Variants in OSBPL10 observed in about 807,000 individuals in gnomAD.
OSBPL10 encodes oxysterol-binding protein-related protein 10.
A neutral mutation model predicts 81.7 loss-of-function variants in OSBPL10; 49 were observed. That is an observed-to-expected ratio of 0.60 (90% CI 0.48 to 0.76). The LOEUF is 0.76. Ranked by LOEUF, OSBPL10 falls within the 30% of genes least tolerant of loss-of-function variation. OSBPL10 has a pLI of 0.00. For synonymous variants in OSBPL10, 419 were observed against 383.6 expected (o/e 1.09, Z -1.08); for missense variants, 923 against 987.8 (o/e 0.93, Z 0.88).
At chr3:32,025,350 T>C (rs1449996338) in intron 2 of OSBPL10, among the ~76,000 whole-genome samples, 1 of 152,230 alleles carries the variant, frequency 6.6e-6, no homozygotes, top group Admixed American at 6.5e-5. Flanking sequence ...ATTGCATTTC[T>C]TGGGATATTA....
chr3:31,990,583 G>A (rs781049429), intron 2 of OSBPL10: 1 of 1,611,006 alleles, frequency 6.2e-7, no homozygotes, highest in Non-Finnish European at 8.5e-7. Flanking sequence ...AATTCATAAG[G>A]CAATTCATAC....
intron 2 of OSBPL10, among the ~76,000 whole-genome samples, chr3:32,045,291 A>G (rs1260579944): frequency 3.9e-5 from 6 of 152,220 alleles, no homozygotes; most frequent in Non-Finnish European, 5.9e-5. Flanking sequence ...CACAAATGCA[A>G]GAAAACACTT....
intron 4 of OSBPL10, among the ~76,000 whole-genome samples, chr3:31,829,110 C>T (rs1002203715): frequency 6.6e-6 from 1 of 152,120 alleles, no homozygotes; most frequent in African/African-American, 2.4e-5. Context: ...CAGACGCATG[C>T]TAACTCAAGC....
At position 31,668,670 on chromosome 3, in the gene OSBPL10, G is replaced by A. The variant is rs772326360; in HGVS notation, c.2068C>T (p.Leu690Phe). Reference protein sequence around the residue: ...LPVYPKKIRPLEKQGPMESRN... With the variant: ...LPVYPKKIRPFEKQGPMESRN... ...GACTCCATGGGTCCCTGCTTCTCAA[G>A]AGGTCTGATCTTCTTGGGATACACT... Residue 690 changes from leucine to phenylalanine, a missense_variant, in exon 10 of 12, where the codon CTT (leucine) becomes TTT (phenylalanine). By Grantham distance (22) the Leu-to-Phe change is conservative. This residue lies in a region of OSBPL10 where 387 missense variants were observed against 436.3 expected (regional missense o/e 0.89). Transcript: ENST00000396556. 1.2e-6 allele frequency: 2 copies of A among 1,613,614 alleles called. No individual in the cohort carries two copies. Among genetic ancestry groups the A allele is most frequent in the Admixed American group, 3.3e-5 (2 of 59,984 alleles).
At chr3:31,712,070 C>G (rs968248251) in intron 6 of OSBPL10, among the ~76,000 whole-genome samples, 3 of 152,096 alleles carry the variant, frequency 2.0e-5, no homozygotes, top group African/African-American at 7.2e-5. Context: ...AGAAATGATG[C>G]CAGCCAGGGA....
intron 1 of OSBPL10, among the ~76,000 whole-genome samples, chr3:31,897,786 G>A (rs889343921): frequency 2.0e-5 from 3 of 151,996 alleles, no homozygotes; most frequent in African/African-American, 7.2e-5. Flanking sequence ...GAGGTGGGCA[G>A]ATCACAAGGT....
chr3:31,759,755 G>T (rs763498938), intron 4 of OSBPL10, among the ~76,000 whole-genome samples: 1 of 151,860 alleles, frequency 6.6e-6, no homozygotes, highest in African/African-American at 2.4e-5. Context: ...ATGTTATTTT[G>T]TTTTTTATTT....
chr3:31,793,878 A>C (rs1699104505), intron 4 of OSBPL10, among the ~76,000 whole-genome samples: 2 of 152,372 alleles, frequency 1.3e-5, no homozygotes, highest in South Asian at 4.1e-4. Context: ...AAACAGTAAA[A>C]AACAACAAAT....
intron 4 of OSBPL10, among the ~76,000 whole-genome samples, chr3:31,817,220 G>A (rs1472148534): frequency 6.6e-6 from 1 of 152,144 alleles, no homozygotes; most frequent in Non-Finnish European, 1.5e-5. Context: ...GCCCTCCCTG[G>A]CCTAAAGATG....
chr3:31,837,603 A>G (rs1445103292), intron 3 of OSBPL10, among the ~76,000 whole-genome samples: 3 of 150,896 alleles, frequency 2.0e-5, no homozygotes, highest in Non-Finnish European at 4.4e-5. Flanking sequence ...ACTAGCCAAC[A>G]AAATAGGACT....
rs58546446 is a variant in OSBPL10 at position 31,744,537 on chromosome 3, C to CAA, written c.940+3371_940+3372dup. 3.3e-3 allele frequency among the ~76,000 whole-genome samples: 315 copies of CAA among 96,286 alleles called. 7 individuals are homozygous for CAA. The highest frequency in any genetic ancestry group is 8.4e-3 in the African/African-American group (209 of 24,988). The allele number at this position is 96,286 out of a possible 152,430, so 63.2% of individuals were successfully genotyped here. On this transcript the variant is annotated intron_variant, in intron 5 of 11. Transcript: ENST00000396556. Reference sequence around the variant, plus strand: ...TGGGTGATAGAGCGAGACTCCGTCTCAAAAAAAAAAAAAAGGAAAGAAAGA... The same window carrying CAA: ...TGGGTGATAGAGCGAGACTCCGTCTCAAAAAAAAAAAAAAAAGGAAAGAAAGA...
At chr3:31,787,204 T>C (rs180894407) in intron 4 of OSBPL10, among the ~76,000 whole-genome samples, 121 of 152,344 alleles carry the variant, frequency 7.9e-4, no homozygotes, top group Admixed American at 1.4e-3. Flanking sequence ...GGTTTGCCAA[T>C]ATTCATTCTT....
At chr3:31,842,214 A>C (rs948988554) in intron 3 of OSBPL10, among the ~76,000 whole-genome samples, 2 of 152,230 alleles carry the variant, frequency 1.3e-5, no homozygotes, top group Non-Finnish European at 2.9e-5. Context: ...ATGGTGGATG[A>C]TTTCGCTGTT....
chr3:32,062,092 TTG>T lies in OSBPL10; in HGVS notation n.185+15302_185+15303del, dbSNP rs1194426694. On this transcript the variant is annotated intron_variant and non_coding_transcript_variant, in intron 1 of 3. Coordinates refer to the OSBPL10 transcript ENST00000479173. ...ATCTATGGTATGGTTTATTGGTTTT[TTG>T]TTGTTGTTGTTTTTTGTTTTGTTTT... Among the ~76,000 whole-genome samples, 19 of 70,268 alleles carry T rather than the reference TTG, an allele frequency of 2.7e-4. 9 individuals are homozygous for T. Among genetic ancestry groups the T allele is most frequent in the Non-Finnish European group, 5.8e-4 (14 of 24,268 alleles). 46.1% of individuals were successfully genotyped at this position (70,268 alleles called of 152,430 possible). A position where few individuals can be genotyped will look rare whatever the true frequency, so the allele number is the denominator to read the frequency against.
intron 1 of OSBPL10, among the ~76,000 whole-genome samples, chr3:31,899,128 G>A (rs1575605520): frequency 6.6e-6 from 1 of 151,968 alleles, no homozygotes; most frequent in Non-Finnish European, 1.5e-5. Context: ...TTTTAGTAGA[G>A]ACGGGGTTTC....
intron 3 of OSBPL10, among the ~76,000 whole-genome samples, chr3:31,831,375 C>T (rs1700236758): frequency 6.7e-6 from 1 of 149,310 alleles, no homozygotes; most frequent in Non-Finnish European, 1.5e-5. Context: ...CATTGCACTC[C>T]AGCCTGGGCA....
chr3:31,999,951 C>T (rs1055077150), intron 2 of OSBPL10, among the ~76,000 whole-genome samples: 3 of 152,168 alleles, frequency 2.0e-5, no homozygotes, highest in African/African-American at 7.2e-5. Context: ...AGAGCCTCTT[C>T]TAAAACTAAT....
chr3:31,688,598 G>A (rs1700859480), intron 7 of OSBPL10, among the ~76,000 whole-genome samples: 1 of 152,124 alleles, frequency 6.6e-6, no homozygotes, highest in Admixed American at 6.5e-5. Context: ...TGAACTGCAT[G>A]AGAGACACCT....
intron 1 of OSBPL10, among the ~76,000 whole-genome samples, chr3:31,902,504 C>T (rs1049222818): frequency 1.1e-4 from 16 of 152,034 alleles, no homozygotes; most frequent in Non-Finnish European, 1.8e-4. Context: ...CTCAGGCAAT[C>T]CACCTGCCTC....
Sources: gnomAD v4.1 joint callset for allele counts (sites outside exome capture counted in the v4.1 genomes callset) on GRCh38, gnomAD v4.1.1 for gene constraint, gnomAD v4.1.1 regional missense constraint, MANE v1.5 for transcripts, NCBI Gene and HGNC (gene_info 2026-07-23, HGNC 2026-07-21) for gene names.